The following NF1 variants were observed in gnomAD, a reference collection of about 807,000 sequenced individuals.
The protein encoded by NF1 is neurofibromin 1, also known as neurofibromin.
A neutral mutation model predicts 325.7 loss-of-function variants in NF1; 122 were observed. The observed-to-expected ratio is 0.37, with a 90% CI of 0.32 to 0.44. The LOEUF (loss-of-function observed/expected upper bound fraction) is 0.44. NF1 is among the 20% of genes least tolerant of loss of function. The pLI is 1.00. For synonymous variants in NF1, 1,091 were observed against 1,186.0 expected (o/e 0.92, Z 1.65); for missense variants, 2,140 against 3,415.4 (o/e 0.63, Z 9.31).
At chr17:31,252,120 C>CTTTTTTTTTTTTTTTTTTTT (rs1193012915) in intron 30 of NF1, 1 of 139,592 alleles carries the variant, frequency 7.2e-6, no homozygotes, top group African/African-American at 3.0e-5. Context: ...TTTTAGGTGG[C>CTTTTTTTTTTTTTTTTTTTT]TTTTTTTTTT....
chr17:31,248,661 A>C (rs1213577392), intron 29 of NF1, among the ~76,000 whole-genome samples: 2 of 152,004 alleles, frequency 1.3e-5, no homozygotes, highest in Non-Finnish European at 1.5e-5. Context: ...CAGCCTCCTG[A>C]GTAGCTGGGA....
intron 1 of NF1, among the ~76,000 whole-genome samples, chr17:31,106,213 A>G (rs776285426): frequency 4.6e-5 from 7 of 152,172 alleles, no homozygotes; most frequent in Admixed American, 2.0e-4. Flanking sequence ...ACCTCTCTGA[A>G]CATCAGTTTT....
chr17:31,296,329 C>T, intron 36 of NF1: 2 of 1,613,870 alleles, frequency 1.2e-6, no homozygotes, highest in Non-Finnish European at 1.7e-6. Context: ...TCTGATATTC[C>T]ATCAAAGCCT....
chr17:31,272,207 G>A (rs1423459430), intron 36 of NF1: 1 of 152,222 alleles, frequency 6.6e-6, no homozygotes, highest in African/African-American at 2.4e-5. Flanking sequence ...ATAAGAAACT[G>A]AGATAAGAAT....
intron 1 of NF1, among the ~76,000 whole-genome samples, chr17:31,111,438 T>G (rs1913405140): frequency 6.6e-6 from 1 of 152,036 alleles, no homozygotes; most frequent in South Asian, 2.1e-4. Context: ...CAAAGAAAAC[T>G]ACACTTAGCA....
chr17:31,345,071 C>G (rs879610173), intron 48 of NF1, among the ~76,000 whole-genome samples: 6 of 152,258 alleles, frequency 3.9e-5, no homozygotes, highest in Middle Eastern at 6.8e-3. Context: ...TGCAGTGAGC[C>G]AAGATCCTAC....
At position 31,286,845 on chromosome 17, in the gene NF1, T is replaced by G. The variant is rs143129517; in HGVS notation, c.4835+21506T>G. Among the ~76,000 whole-genome samples the G allele has an allele frequency of 4.5e-3, 692 of 152,340 alleles. 6 individuals carry two copies. The highest frequency in any genetic ancestry group is 0.016 in the African/African-American group (663 of 41,570). On this transcript the variant is annotated intron_variant, in intron 36 of 57. Transcript: ENST00000358273. ...GTCTTCCCTTACTTATGTTTTGTTT[T>G]TCTTCTTTCTCAATGGAAAGCCATT...
At chr17:31,274,172 A>C (rs908231934) in intron 36 of NF1, among the ~76,000 whole-genome samples, 2 of 152,202 alleles carry the variant, frequency 1.3e-5, no homozygotes, top group South Asian at 4.1e-4. Context: ...ATACTTTTTC[A>C]TACTGAGTTT....
intron 52 of NF1, 117 bp from the exon 53 acceptor site, chr17:31,356,843 G>A (rs2070282473): frequency 1.4e-6 from 2 of 1,426,386 alleles, no homozygotes; most frequent in Non-Finnish European, 2.0e-6. Context: ...TGATGTTTAT[G>A]TTAGTATTTT....
intron 47 of NF1, among the ~76,000 whole-genome samples, chr17:31,341,309 G>T (rs557668028): frequency 6.6e-6 from 1 of 152,148 alleles, no homozygotes; most frequent in Admixed American, 6.5e-5. Context: ...TGGATCAGTT[G>T]AGCTCAGGAG....
At chr17:31,121,186 G>C (rs1914397115) in intron 1 of NF1, among the ~76,000 whole-genome samples, 1 of 151,990 alleles carries the variant, frequency 6.6e-6, no homozygotes, top group Non-Finnish European at 1.5e-5. Flanking sequence ...CATTTTTCCA[G>C]GTGTTCAAAA....
At chr17:31,366,562 A>C (rs1471846890) in intron 57 of NF1, among the ~76,000 whole-genome samples, 1 of 152,154 alleles carries the variant, frequency 6.6e-6, no homozygotes, top group Non-Finnish European at 1.5e-5. Context: ...CTTGGCTCTG[A>C]GTCAGTAATA....
intron 12 of NF1, among the ~76,000 whole-genome samples, chr17:31,212,453 A>C (rs1017647758): frequency 4.6e-5 from 7 of 152,272 alleles, no homozygotes; most frequent in Non-Finnish European, 8.8e-5. Context: ...TCACGCCTGT[A>C]GTCCCAGCAC....
At chr17:31,116,121 G>A (rs1446182710) in intron 1 of NF1, among the ~76,000 whole-genome samples, 1 of 152,046 alleles carries the variant, frequency 6.6e-6, no homozygotes, top group Admixed American at 6.6e-5. Flanking sequence ...CACTAATTTT[G>A]TTGAAATCTA....
rs2067186968 is a variant in NF1 at position 31,235,662 on chromosome 17, T to C, written c.3760T>C (p.Tyr1254His). Residue 1254 changes from tyrosine to histidine, a missense_variant, in exon 28 of 58, where the codon TAC becomes CAC. Transcript: ENST00000358273. ...VTLFDSRHLL[Y>H]QLLWNMFSKE... ...TCTGTTTGATTCTCGGCATTTACTC[T>C]ACCAACTGCTCTGGAACATGTTTTC... is the stretch of plus-strand genomic sequence containing the variant. 1 of 1,614,180 alleles carries C rather than the reference T, an allele frequency of 6.2e-7. No individual in the cohort carries two copies. Among genetic ancestry groups the C allele is most frequent in the Non-Finnish European group, 8.5e-7 (1 of 1,180,018 alleles).
Position 31,132,834 on chromosome 17 carries a change from T to C in NF1, c.61-23149T>C, listed in dbSNP as rs910883152. Among the ~76,000 whole-genome samples, 9 of 151,962 alleles carry C rather than the reference T, an allele frequency of 5.9e-5. No homozygotes were observed. In the South Asian group the frequency reaches 1.9e-3, roughly 32 times the overall value. On this transcript the variant is annotated intron_variant, in intron 1 of 57. Coordinates refer to ENST00000358273, the MANE Select transcript of NF1 (RefSeq NM_001042492.3). ...GGCGCTCGCCACCATGCCCGGCTAA[T>C]TTTTGTATTTTTAGTAGAGATGGGA... is the stretch of plus-strand genomic sequence containing the variant.
chr17:31,308,576 C>T (rs16963584), intron 36 of NF1, among the ~76,000 whole-genome samples: 2,919 of 152,242 alleles, frequency 0.019, 102 homozygotes, highest in African/African-American at 0.067. Flanking sequence ...TCTAAACACA[C>T]GATTTTTCCC....
intron 36 of NF1, chr17:31,305,661 CAGTT>C (rs766932041): frequency 1.6e-4 from 247 of 1,545,180 alleles, no homozygotes; most frequent in Middle Eastern, 5.8e-4. Context: ...AAGAGAAAGA[CAGTT>C]AGGCGTCATT....
rs1020785815 is a variant in NF1, at chr17:31,095,289, C to G, written c.-21C>G. On this transcript the variant is annotated 5_prime_UTR_variant, in exon 1 of 58. Transcript: ENST00000358273. ...CGCCGGCCCACCCTTCCCTCCGCCG[C>G]CCCCCGGCCGCGGGGAGGACATGGC... 2.0e-6 allele frequency: 3 copies of G among 1,534,674 alleles called. No individual in the cohort carries two copies. The highest frequency in any genetic ancestry group is 2.0e-5 in the Admixed American group (1 of 50,876).
Sources: allele counts gnomAD v4.1 joint callset (sites outside exome capture counted in the v4.1 genomes callset), GRCh38; gene constraint gnomAD v4.1.1; transcripts MANE v1.5; gene names NCBI Gene and HGNC (gene_info 2026-07-23, HGNC 2026-07-21).